Variants in ZNF451 observed in about 807,000 individuals in gnomAD.
ZNF451 encodes zinc finger protein 451.
In ZNF451, 80 loss-of-function variants were observed where a neutral mutation model predicts 107.1. That is an observed-to-expected ratio of 0.75 (90% CI 0.62 to 0.90). The LOEUF is 0.90. ZNF451 is among the 40% of genes least tolerant of loss of function. ZNF451 has a pLI of 0.00. For missense variants in ZNF451, 1,107 were observed against 1,236.2 expected, an observed-to-expected ratio of 0.90 and a Z score of 1.57; for synonymous variants, 362 against 406.5, an observed-to-expected ratio of 0.89 and a Z score of 1.32.
intron 3 of ZNF451, among the ~76,000 whole-genome samples, chr6:57,121,377 A>G (rs1197668945): frequency 1.3e-5 from 2 of 152,146 alleles, no homozygotes; most frequent in Admixed American, 6.6e-5. Context: ...GCCTCTCCAT[A>G]TACACTTCAA....
chr6:57,100,898 C>T (rs3800023), intron 3 of ZNF451: 1 of 1,550,556 alleles, frequency 6.4e-7, no homozygotes, highest in Non-Finnish European at 8.7e-7. Context: ...TTGGCCTCTT[C>T]TGAGGTCAAA....
At chr6:57,116,890 C>A (rs9396259) in intron 3 of ZNF451, 39,432 of 150,560 alleles carry the variant, frequency 0.26, 5,520 homozygotes, top group African/African-American at 0.35. Context: ...GCTTGAGCCC[C>A]GGAGTTTGAG....
chr6:57,166,802 T>C lies in ZNF451; in HGVS notation c.3140-1621T>C, dbSNP rs149997869. ...CATCACCACAAACACATGAGTAATA[T>C]GTTGCACTGCAACATGAAGATGGCT... is the stretch of plus-strand genomic sequence containing the variant. On this transcript the variant is annotated intron_variant, in intron 14 of 14. Coordinates refer to ENST00000370706, the MANE Select transcript of ZNF451 (RefSeq NM_001031623.3). Among the ~76,000 whole-genome samples, 7 of 152,344 alleles carry C rather than the reference T, an allele frequency of 4.6e-5. No individual in the cohort carries two copies. The East Asian group carries it at 1.3e-3, about 29-fold the overall frequency.
intron 3 of ZNF451, chr6:57,105,246 A>G (rs892191002): frequency 1.2e-5 from 12 of 985,254 alleles, no homozygotes; most frequent in Non-Finnish European, 1.4e-5. Context: ...ATGATCTGGT[A>G]TTCTCAAAAA....
At chr6:57,165,059 T>G (rs7449938) in intron 14 of ZNF451, 1 of 152,194 alleles carries the variant, frequency 6.6e-6, no homozygotes, top group Non-Finnish European at 1.5e-5. Flanking sequence ...TATAGAATTC[T>G]TGATCGACAT....
intron 7 of ZNF451, among the ~76,000 whole-genome samples, chr6:57,140,369 C>T (rs150851833): frequency 2.3e-3 from 350 of 152,208 alleles, no homozygotes; most frequent in African/African-American, 8.1e-3. Context: ...AGTTCGAGAC[C>T]AGCCTGGGCA....
At chr6:57,134,903 T>C in intron 7 of ZNF451, 33 bp downstream of exon 7, 3 of 1,571,890 alleles carry the variant, frequency 1.9e-6, no homozygotes, top group Non-Finnish European at 2.6e-6. Flanking sequence ...AAGTATTATT[T>C]TTCTAGATAG....
intron 13 of ZNF451, among the ~76,000 whole-genome samples, chr6:57,157,537 C>A (rs1383798282): frequency 1.3e-5 from 2 of 152,090 alleles, no homozygotes; most frequent in Non-Finnish European, 2.9e-5. Context: ...CTTTTCTCTA[C>A]TTGTAAGCAT....
intron 13 of ZNF451, chr6:57,158,900 A>G: frequency 3.0e-6 from 3 of 985,482 alleles, no homozygotes; most frequent in Non-Finnish European, 2.4e-6. Context: ...CATACCAATT[A>G]CACAGATTTT....
At chr6:57,097,762 G>A (rs1247758674) in intron 2 of ZNF451, among the ~76,000 whole-genome samples, 1 of 151,922 alleles carries the variant, frequency 6.6e-6, no homozygotes, top group Non-Finnish European at 1.5e-5. Flanking sequence ...TTACAGGCCT[G>A]CATTTCCAGC....
chr6:57,121,639 A>G (rs1471562545), intron 3 of ZNF451, among the ~76,000 whole-genome samples: 1 of 152,192 alleles, frequency 6.6e-6, no homozygotes, highest in African/African-American at 2.4e-5. Context: ...CAATAGCCAC[A>G]CAAAAAAATT....
chr6:57,159,836 CT>C (rs935451860), intron 13 of ZNF451, among the ~76,000 whole-genome samples: 15 of 152,136 alleles, frequency 9.9e-5, no homozygotes, highest in African/African-American at 3.4e-4. Context: ...TTATAGACCC[CT>C]AAAGGGCTTT....
chr6:57,149,867 G>C (rs140637161), intron 10 of ZNF451, among the ~76,000 whole-genome samples: 1 of 152,002 alleles, frequency 6.6e-6, no homozygotes, highest in Non-Finnish European at 1.5e-5. Context: ...GTGTTTGATA[G>C]AAAATGCAAT....
At chr6:57,106,961 C>T in intron 3 of ZNF451, 9 of 928,392 alleles carry the variant, frequency 9.7e-6, no homozygotes, top group African/African-American at 1.8e-5. Flanking sequence ...TGAAATTTCC[C>T]TTCCTGGATG....
Position 57,105,402 on chromosome 6 carries a change from ACTTTT to A in ZNF451, c.186+6266_186+6270del. 6 of 985,120 alleles carry A rather than the reference ACTTTT, an allele frequency of 6.1e-6. No individual in the cohort carries two copies. The South Asian group carries it at 1.4e-4, about 23-fold the overall frequency. 61.0% of individuals were successfully genotyped at this position (985,120 alleles called of 1,614,324 possible). On this transcript the variant is annotated intron_variant, in intron 3 of 14. Transcript: ENST00000370706. Reference sequence around the variant, plus strand: ...ATATGAAGTGCCTTTTTAATTCTACACTTTTCTTTAAAACTTAAACTTTGATGTCT... The same window carrying A: ...ATATGAAGTGCCTTTTTAATTCTACACTTTAAAACTTAAACTTTGATGTCT...
intron 9 of ZNF451, among the ~76,000 whole-genome samples, chr6:57,143,761 C>A (rs1831909689): frequency 6.6e-6 from 1 of 152,094 alleles, no homozygotes; most frequent in South Asian, 2.1e-4. Context: ...TTGTTTATAG[C>A]AGCATTATTC....
chr6:57,161,493 C>T (rs995527013), intron 14 of ZNF451, among the ~76,000 whole-genome samples: 5 of 151,968 alleles, frequency 3.3e-5, no homozygotes, highest in South Asian at 2.1e-4. Flanking sequence ...CCTCCACCCC[C>T]GCCCCCCTCA....
intron 3 of ZNF451, among the ~76,000 whole-genome samples, chr6:57,099,784 T>G (rs1829500163): frequency 6.6e-6 from 1 of 152,216 alleles, no homozygotes; most frequent in African/African-American, 2.4e-5. Context: ...TAGCCCAAAC[T>G]TCTGTTAATG....
chr6:57,170,054 A>G lies in ZNF451; in HGVS notation c.*1585A>G, dbSNP rs938931449. 7 of 152,220 alleles carry G rather than the reference A, an allele frequency of 4.6e-5. No homozygotes were observed. The highest frequency in any genetic ancestry group is 1.7e-4 in the African/African-American group (7 of 41,460). 9.4% of individuals were successfully genotyped at this position (152,220 alleles called of 1,614,324 possible). ...GAAGCTTTTGTGGTGTGTGTGGTAG[A>G]GAATAATTAAGGCTTCTGATAAGAC... On this transcript the variant is annotated 3_prime_UTR_variant, in exon 15 of 15. Coordinates refer to ENST00000370706, the MANE Select transcript of ZNF451 (RefSeq NM_001031623.3).
Sources: allele counts gnomAD v4.1 joint callset (sites outside exome capture counted in the v4.1 genomes callset), GRCh38; gene constraint gnomAD v4.1.1; transcripts MANE v1.5; gene names NCBI Gene and HGNC (gene_info 2026-07-23, HGNC 2026-07-21).